Variants in MYOF observed in about 807,000 individuals in gnomAD.
The protein encoded by MYOF is fer-1-like 3, myoferlin.
In MYOF, 244 loss-of-function variants were observed where a neutral mutation model predicts 284.2. The observed-to-expected ratio is 0.86, with a 90% CI of 0.77 to 0.95. The LOEUF (loss-of-function observed/expected upper bound fraction) is 0.95. Among genes scored for constraint, MYOF ranks in the 40% least tolerant of loss-of-function variants. The pLI, the probability that MYOF is intolerant of heterozygous loss-of-function variation, is 0.00. For synonymous variants in MYOF, 904 were observed against 919.7 expected, an observed-to-expected ratio of 0.98 and a Z score of 0.31; for missense variants, 2,496 against 2,560.6, an observed-to-expected ratio of 0.97 and a Z score of 0.54.
In MYOF at chr10:93,399,454, C is replaced by G. The variant is rs1484854928; in HGVS notation, c.1159G>C (p.Gly387Arg). The change falls in exon 13 of 54, where the codon GGC (glycine) becomes CGC (arginine). Residue 387 changes from glycine to arginine, a missense_variant. Coordinates refer to ENST00000359263, the MANE Select transcript of MYOF (RefSeq NM_013451.4). Reference protein sequence around the residue: ...FSQTVKEIFGGNADKKNLVDP... With the variant: ...FSQTVKEIFGRNADKKNLVDP... ...ACGAGATTTTTCTTATCTGCATTGC[C>G]TCCAAATATTTCCTTTACTGTCTGT... The G allele has an allele frequency of 6.2e-7, 1 of 1,613,690 alleles. No individual in the cohort carries two copies. The highest frequency in any genetic ancestry group is 8.5e-7 in the Non-Finnish European group (1 of 1,179,902).
rs776264855 is a variant in MYOF, at chr10:93,396,237, TAAAAATAA to T, written c.1335-21_1335-14del. 250 of 1,544,282 alleles carry T rather than the reference TAAAAATAA, an allele frequency of 1.6e-4. 1 individual carries two copies. In the African/African-American group the frequency reaches 2.9e-3, roughly 18 times the overall value. ...AGTAAGACGGTCCCTGTGTAAAAAA[TAAAAATAA>T]AAAAATAAAAAATAAAAGGTTCAGA... On this transcript the variant is annotated splice_polypyrimidine_tract_variant and intron_variant, in intron 15 of 53. Coordinates refer to ENST00000359263, the MANE Select transcript of MYOF (RefSeq NM_013451.4).
At position 93,313,054 on chromosome 10, in the gene MYOF, C is replaced by G; in HGVS notation, c.5855G>C (p.Cys1952Ser). The change falls in exon 51 of 54, where the codon TGC becomes TCC. Residue 1952 changes from cysteine (C) to serine (S), a missense_variant. By Grantham distance (112) the Cys-to-Ser change is moderately radical. Transcript: ENST00000359263. ...GCGGGCGCCATCTTTCTCTGCGTAGCATGGCCACCATCCTTTCATGGACTT... is the reference window on the plus strand; with the variant it reads ...GCGGGCGCCATCTTTCTCTGCGTAGGATGGCCACCATCCTTTCATGGACTT... ...EQKSMKGWWP[C>S]YAEKDGARVM... 1 of 1,613,560 alleles carries G rather than the reference C, an allele frequency of 6.2e-7. No homozygotes were observed. The highest frequency in any genetic ancestry group is 8.5e-7 in the Non-Finnish European group (1 of 1,179,798).
chr10:93,365,070 C>T (rs1845267203), intron 26 of MYOF, among the ~76,000 whole-genome samples: 1 of 152,190 alleles, frequency 6.6e-6, no homozygotes, highest in South Asian at 2.1e-4. Context: ...TTTTCCTTTC[C>T]CTCACCAATT....
chr10:93,360,044 G>C, intron 28 of MYOF, 66 bp from the exon 29 acceptor site: 1 of 1,586,792 alleles, frequency 6.3e-7, no homozygotes, highest in Non-Finnish European at 8.6e-7. Flanking sequence ...AATAAACCTC[G>C]AGGAAACATT....
rs1453964941 is a variant in MYOF at position 93,319,909 on chromosome 10, T to C, written c.5561A>G (p.Tyr1854Cys). 3.1e-6 allele frequency: 5 copies of C among 1,614,008 alleles called. No homozygotes were observed. Among genetic ancestry groups the C allele is most frequent in the East Asian group, 2.2e-5 (1 of 44,892 alleles). ...FNWRFVFPFD[Y>C]LPAEQLCIVA... The stretch of plus-strand genomic sequence containing the variant: ...GATACAGAGTTGTTCGGCTGGAAGG[T>C]AGTCAAACGGGAAAACAAATCGCCA... The change falls in exon 49 of 54, where the codon TAC (tyrosine) becomes TGC (cysteine). Residue 1854 changes from tyrosine to cysteine, a missense_variant. This residue lies in a region of MYOF where 2,436 missense variants were observed against 2,480.7 expected (regional missense o/e 0.98). Transcript: ENST00000359263.
chr10:93,440,538 C>G lies in MYOF; in HGVS notation c.237-9022G>C, dbSNP rs1036293768. On this transcript the variant is annotated intron_variant, in intron 3 of 53. Coordinates refer to ENST00000359263, the MANE Select transcript of MYOF (RefSeq NM_013451.4). ...TTTTCTTCGTATCACTTATCACCAT[C>G]TGTTATGTCATATGTGTATTTATCT... Among the ~76,000 whole-genome samples the G allele has an allele frequency of 2.6e-5, 4 of 152,202 alleles. No individual in the cohort carries two copies. The East Asian group carries it at 7.7e-4, about 29-fold the overall frequency.
intron 45 of MYOF, among the ~76,000 whole-genome samples, chr10:93,326,606 C>T (rs1185033139): frequency 6.6e-6 from 1 of 152,154 alleles, no homozygotes; most frequent in African/African-American, 2.4e-5. Context: ...TTTACAGCAG[C>T]TGGCATCACT....
In MYOF at chr10:93,310,078, C is replaced by T. The variant is rs761081912; in HGVS notation, c.6089G>A (p.Gly2030Asp). Residue 2030 changes from glycine to aspartate, a missense_variant, in exon 53 of 54, where the codon GGC becomes GAC. Transcript: ENST00000359263. ...VWRRFKWVIIGLLFLLILLLF... is the reference protein window; with the variant it reads ...VWRRFKWVIIDLLFLLILLLF... ...CAGCAGGATAAGCAGGAACAGCAAG[C>T]CGATGATGACCCACTTAAAGCGGCG... is the stretch of plus-strand genomic sequence containing the variant. 6.2e-7 allele frequency: 1 copy of T among 1,614,046 alleles called. No homozygotes were observed. The highest frequency in any genetic ancestry group is 1.1e-5 in the South Asian group (1 of 91,074).
intron 51 of MYOF, 72 bp downstream of exon 51, chr10:93,312,948 A>G: frequency 6.9e-7 from 1 of 1,448,812 alleles, no homozygotes; most frequent in South Asian, 1.4e-5. Flanking sequence ...GAGTAAGTCT[A>G]TGGATAAAGG....
intron 1 of MYOF, 27 bp from the exon 2 acceptor site, chr10:93,456,964 G>C: frequency 6.5e-7 from 1 of 1,547,456 alleles, no homozygotes. Context: ...GGAAGAGACA[G>C]CAATCATTTA....
At chr10:93,335,810 C>T in intron 41 of MYOF, 111 bp downstream of exon 41, 1 of 1,332,958 alleles carries the variant, frequency 7.5e-7, no homozygotes, top group South Asian at 1.5e-5. Context: ...TGCCAGCATC[C>T]CTCAGAGGCT....
chr10:93,369,625 A>G lies in MYOF; in HGVS notation c.2589+20T>C. 1 of 1,613,680 alleles carries G rather than the reference A, an allele frequency of 6.2e-7. No homozygotes were observed. The highest frequency in any genetic ancestry group is 8.5e-7 in the Non-Finnish European group (1 of 1,179,694). On this transcript the variant is annotated intron_variant, in intron 25 of 53. Coordinates refer to ENST00000359263, the MANE Select transcript of MYOF (RefSeq NM_013451.4). ...CTCCCCCGACCAAAGAAGAAAAGAT[A>G]GTGAAATCATTAAAGGTACCATTTC...
Position 93,310,128 on chromosome 10 carries a change from G to C in MYOF, c.6039C>G (p.Cys2013Trp). 6.2e-7 allele frequency: 1 copy of C among 1,614,194 alleles called. No homozygotes were observed. Among genetic ancestry groups the C allele is most frequent in the Non-Finnish European group, 8.5e-7 (1 of 1,180,034 alleles). Reference protein sequence around the residue: ...ETSFLWFTNPCKTMKFIVWRR... With the variant: ...ETSFLWFTNPWKTMKFIVWRR... ...GCCACACGATGAACTTCATGGTCTT[G>C]CATGGGTTGGTGAACCAGAGGAAGG... Residue 2013 changes from cysteine (C) to tryptophan (W), a missense_variant, in exon 53 of 54, where the codon TGC becomes TGG. Coordinates refer to ENST00000359263, the MANE Select transcript of MYOF (RefSeq NM_013451.4).
chr10:93,467,573 T>G (rs2057040564), intron 1 of MYOF, among the ~76,000 whole-genome samples: 1 of 152,036 alleles, frequency 6.6e-6, no homozygotes, highest in Non-Finnish European at 1.5e-5. Flanking sequence ...TGGCAATTCC[T>G]CAGGGATCTA....
At chr10:93,451,533 G>A (rs12257907) in intron 3 of MYOF, among the ~76,000 whole-genome samples, 11,692 of 152,014 alleles carry the variant, frequency 0.077, 1,261 homozygotes, top group African/African-American at 0.24. Context: ...GGGCACCACC[G>A]TGACCCTTCC....
chr10:93,336,679 A>C (rs1843621443), intron 40 of MYOF, among the ~76,000 whole-genome samples: 1 of 152,136 alleles, frequency 6.6e-6, no homozygotes. Context: ...ATATACAATA[A>C]TCACAACTTG....
chr10:93,388,031 G>T, intron 18 of MYOF, 118 bp from the exon 19 acceptor site: 2 of 753,550 alleles, frequency 2.7e-6, no homozygotes, highest in South Asian at 1.5e-5. Flanking sequence ...CCTAACCTTC[G>T]AAATGAATCA....
chr10:93,380,467 T>C (rs1846061289), intron 20 of MYOF, among the ~76,000 whole-genome samples: 1 of 152,180 alleles, frequency 6.6e-6, no homozygotes, highest in Admixed American at 6.5e-5. Flanking sequence ...AATTATTAGC[T>C]GATGTTTCCT....
Position 93,308,219 on chromosome 10 carries a change from G to A in MYOF, c.6148-1218C>T, listed in dbSNP as rs567411658. Among the ~76,000 whole-genome samples, 479 of 148,662 alleles carry A rather than the reference G, an allele frequency of 3.2e-3. 4 individuals are homozygous for A. The highest frequency in any genetic ancestry group is 0.011 in the African/African-American group (461 of 40,662). ...GATTGCGCCACTGTACTCCAGCCTGGGTGACAGAGCAAAACCCCATCTCAA... is the reference window on the plus strand; with the variant it reads ...GATTGCGCCACTGTACTCCAGCCTGAGTGACAGAGCAAAACCCCATCTCAA... On this transcript the variant is annotated intron_variant, in intron 53 of 53. Transcript: ENST00000359263.
Sources: allele counts gnomAD v4.1 joint callset (sites outside exome capture counted in the v4.1 genomes callset), GRCh38; gene constraint gnomAD v4.1.1; regional missense constraint gnomAD v4.1.1; transcripts MANE v1.5; gene names NCBI Gene and HGNC (gene_info 2026-07-23, HGNC 2026-07-21).